The following ADARB2 variants were observed in gnomAD, a reference collection of about 807,000 sequenced individuals.
ADARB2 encodes the protein adenosine deaminase RNA specific B2 (inactive).
Under a neutral mutation model 62.2 loss-of-function variants are expected in ADARB2, and 25 were observed. The observed-to-expected ratio is 0.40, with a 90% CI of 0.29 to 0.56. ADARB2 has a LOEUF of 0.56. Ranked by LOEUF, ADARB2 falls within the 20% of genes least tolerant of loss-of-function variation. The probability of loss-of-function intolerance (pLI) is 0.43; values close to 1 mark genes in which losing one functional copy is unlikely to be tolerated. For synonymous variants in ADARB2, 572 were observed against 500.8 expected (o/e 1.14, Z -1.90); for missense variants, 1,071 against 1,077.4 (o/e 0.99, Z 0.08).
At chr10:1,653,946 G>T (rs924449042) in intron 1 of ADARB2, among the ~76,000 whole-genome samples, 2 of 152,140 alleles carry the variant, frequency 1.3e-5, no homozygotes, top group Non-Finnish European at 2.9e-5. Context: ...GTGTGGCTGG[G>T]GGAGGGGAGT....
Position 1,412,181 on chromosome 10 carries a change from C to T in ADARB2, c.101-33021G>A, listed in dbSNP as rs142574112. On this transcript the variant is annotated intron_variant, in intron 1 of 9. Coordinates refer to ENST00000381312, the MANE Select transcript of ADARB2 (RefSeq NM_018702.4). The stretch of plus-strand genomic sequence containing the variant: ...AGCTGAGGCTCGGGACGATGCTGGA[C>T]GGGTTCGGAGCGTGCTGCATCCTGC... Among the ~76,000 whole-genome samples, 566 of 152,180 alleles carry T rather than the reference C, an allele frequency of 3.7e-3. 4 individuals are homozygous for T. The highest frequency in any genetic ancestry group is 5.3e-3 in the Non-Finnish European group (358 of 68,004).
Position 1,578,696 on chromosome 10 carries a change from C to T in ADARB2, c.100+158355G>A, listed in dbSNP as rs150431566. Among the ~76,000 whole-genome samples the T allele has an allele frequency of 3.2e-3, 494 of 152,316 alleles. 4 individuals are homozygous for T. The highest frequency in any genetic ancestry group is 0.011 in the African/African-American group (469 of 41,564). On this transcript the variant is annotated intron_variant, in intron 1 of 9. Coordinates refer to ENST00000381312, the MANE Select transcript of ADARB2 (RefSeq NM_018702.4). ...ACACACAGAGAGAAGTGTGTGCACA[C>T]ACATGCTCATGCACACTCACACAGA... is the stretch of plus-strand genomic sequence containing the variant.
At chr10:1,571,073 G>A (rs76820812) in intron 1 of ADARB2, among the ~76,000 whole-genome samples, 4,558 of 152,082 alleles carry the variant, frequency 0.03, 244 homozygotes, top group African/African-American at 0.1. Flanking sequence ...AATAAATATC[G>A]AATGATGTGA....
intron 1 of ADARB2, among the ~76,000 whole-genome samples, chr10:1,454,997 G>C (rs760428347): frequency 6.6e-6 from 1 of 152,184 alleles, no homozygotes; most frequent in African/African-American, 2.4e-5. Flanking sequence ...GTTTAGTCAC[G>C]TTGTAGAAAT....
At chr10:1,611,810 C>T (rs373071044) in intron 1 of ADARB2, among the ~76,000 whole-genome samples, 1 of 152,308 alleles carries the variant, frequency 6.6e-6, no homozygotes, top group East Asian at 1.9e-4. Flanking sequence ...ATCCACCCAT[C>T]TCCTTCTGAA....
At chr10:1,410,674 C>A (rs759609975) in intron 1 of ADARB2, among the ~76,000 whole-genome samples, 3 of 152,126 alleles carry the variant, frequency 2.0e-5, no homozygotes, top group African/African-American at 7.2e-5. Context: ...TCTGCCACAG[C>A]GGCTGCGGTG....
chr10:1,434,207 G>C (rs79905377), intron 1 of ADARB2, among the ~76,000 whole-genome samples: 3,749 of 152,316 alleles, frequency 0.025, 124 homozygotes, highest in African/African-American at 0.077. Context: ...CTGATAACGA[G>C]AGATTTAAAA....
rs1343068532 is a variant in ADARB2 at position 1,179,844 on chromosome 10, G to A, written c.*3349C>T. ...GAAGCCAGACGGTGATTTCGAGGTG[G>A]ACTTGGAGGGGCGGGCCTGACTTCA... On this transcript the variant is annotated 3_prime_UTR_variant, in exon 10 of 10. Coordinates refer to ENST00000381312, the MANE Select transcript of ADARB2 (RefSeq NM_018702.4). 6.6e-6 allele frequency: 1 copy of A among 152,340 alleles called. No individual in the cohort carries two copies. The highest frequency in any genetic ancestry group is 1.5e-5 in the Non-Finnish European group (1 of 68,096). The allele number at this position is 152,340 out of a possible 1,614,324, so 9.4% of individuals were successfully genotyped here.
chr10:1,374,073 C>A (rs1476066337), intron 2 of ADARB2, among the ~76,000 whole-genome samples: 1 of 152,180 alleles, frequency 6.6e-6, no homozygotes, highest in Non-Finnish European at 1.5e-5. Flanking sequence ...TGTCCTCCTG[C>A]CTCTGCACCC....
At chr10:1,603,692 TC>T (rs1412789977) in intron 1 of ADARB2, among the ~76,000 whole-genome samples, 1 of 122,420 alleles carries the variant, frequency 8.2e-6, no homozygotes, top group African/African-American at 2.6e-5. Context: ...AGAGCTGTGA[TC>T]TTTTTTTTTT....
chr10:1,192,073 G>A (rs1464778738), intron 8 of ADARB2, among the ~76,000 whole-genome samples: 1 of 152,198 alleles, frequency 6.6e-6, no homozygotes, highest in African/African-American at 2.4e-5. Context: ...CTGACTTGAA[G>A]AAAATCCTTA....
chr10:1,493,618 G>A (rs1197647268), intron 1 of ADARB2, among the ~76,000 whole-genome samples: 1 of 149,674 alleles, frequency 6.7e-6, no homozygotes, highest in Admixed American at 6.7e-5. Flanking sequence ...TTTGTCCATT[G>A]TTCAGTGCTG....
intron 3 of ADARB2, among the ~76,000 whole-genome samples, chr10:1,334,129 C>T (rs1336112209): frequency 1.3e-5 from 2 of 151,938 alleles, no homozygotes; most frequent in African/African-American, 2.4e-5. Flanking sequence ...GGGCAGAGGC[C>T]GGAGGCTGTT....
chr10:1,669,440 G>T (rs1834353151), intron 1 of ADARB2, among the ~76,000 whole-genome samples: 1 of 148,780 alleles, frequency 6.7e-6, no homozygotes, highest in Non-Finnish European at 1.5e-5. Context: ...ACAGACACAT[G>T]CAGACACACA....
intron 1 of ADARB2, among the ~76,000 whole-genome samples, chr10:1,413,173 C>T (rs1268309141): frequency 6.6e-6 from 1 of 152,184 alleles, no homozygotes; most frequent in Non-Finnish European, 1.5e-5. Context: ...GCCTAGGAAC[C>T]ACTTGAGCAG....
chr10:1,526,991 T>C (rs1371179717), intron 1 of ADARB2: 1 of 272,356 alleles, frequency 3.7e-6, no homozygotes, highest in Non-Finnish European at 7.9e-6. Context: ...TGTGCACAGC[T>C]CTGACTTCCA....
In ADARB2 at chr10:1,183,039, T is replaced by C. The variant is rs1314788920; in HGVS notation, c.*154A>G. ...TGGAAAGAGGCACGTTCTGAATTTGTGTTGTTGCTCGTCCAAACATTGCAC... is the reference window on the plus strand; with the variant it reads ...TGGAAAGAGGCACGTTCTGAATTTGCGTTGTTGCTCGTCCAAACATTGCAC... On this transcript the variant is annotated 3_prime_UTR_variant, in exon 10 of 10. Coordinates refer to ENST00000381312, the MANE Select transcript of ADARB2 (RefSeq NM_018702.4). The C allele has an allele frequency of 8.2e-6, 7 of 854,160 alleles. No homozygotes were observed. The highest frequency in any genetic ancestry group is 1.7e-5 in the African/African-American group (1 of 58,556). The allele number at this position is 854,160 out of a possible 1,614,324, so 52.9% of individuals were successfully genotyped here.
chr10:1,218,690 C>T (rs553649417), intron 6 of ADARB2, among the ~76,000 whole-genome samples: 2 of 152,194 alleles, frequency 1.3e-5, no homozygotes, highest in Non-Finnish European at 2.9e-5. Context: ...AGTTTACTAC[C>T]GTCCCCTTGG....
chr10:1,414,991 GTGGATGGATGGA>G (rs898684431), intron 1 of ADARB2, among the ~76,000 whole-genome samples: 1 of 151,654 alleles, frequency 6.6e-6, no homozygotes, highest in Admixed American at 6.6e-5. Flanking sequence ...ATGATAGAAG[GTGGATGGATGGA>G]TGGATGGATG....
Sources: gnomAD v4.1 joint callset for allele counts (sites outside exome capture counted in the v4.1 genomes callset) on GRCh38, gnomAD v4.1.1 for gene constraint, MANE v1.5 for transcripts, NCBI Gene and HGNC (gene_info 2026-07-23, HGNC 2026-07-21) for gene names.